Variants in GPR162 observed in about 807,000 individuals in gnomAD.
GPR162 encodes probable G protein-coupled receptor 162.
In GPR162, 26 loss-of-function variants were observed where a neutral mutation model predicts 44.9. The observed-to-expected ratio is 0.58, with a 90% CI of 0.42 to 0.80. GPR162 has a LOEUF of 0.80. Ranked by LOEUF, GPR162 falls within the 30% of genes least tolerant of loss-of-function variation. GPR162 has a pLI of 0.00. For missense variants in GPR162, 704 were observed against 802.3 expected, an observed-to-expected ratio of 0.88 and a Z score of 1.48; for synonymous variants, 363 against 335.2, an observed-to-expected ratio of 1.08 and a Z score of -0.91.
chr12:6,826,324 C>T lies in GPR162; in HGVS notation c.1186C>T (p.Pro396Ser). The part of the protein sequence containing the change: ...KLLPGRHMLF[P>S]PLERVHYLQV... ...GCTGCCTGGAAGGCACATGCTCTTC[C>T]CTCCTCTTGAGAGAGTCCACTACTT... Residue 396 changes from proline to serine, a missense_variant, in exon 4 of 5, where the codon CCT becomes TCT. Pro to Ser is a moderately conservative substitution (Grantham distance 74). Transcript: ENST00000311268. 1 of 1,613,662 alleles carries T rather than the reference C, an allele frequency of 6.2e-7. No homozygotes were observed. Among genetic ancestry groups the T allele is most frequent in the Non-Finnish European group, 8.5e-7 (1 of 1,179,946 alleles).
Position 6,822,099 on chromosome 12 carries a change from C to T in GPR162, c.-432+199C>T, listed in dbSNP as rs1943289374. On this transcript the variant is annotated intron_variant, in intron 1 of 4. Transcript: ENST00000311268. The surrounding 1 kb of genome is among the most constrained non-coding windows in gnomAD (Gnocchi z 4.2). ...GCGAGGGACCCCGTCGGCCAGGGAA[C>T]CTCCCAGATCCCCCTTCCCACCTTC... is the stretch of plus-strand genomic sequence containing the variant. 6.6e-6 allele frequency among the ~76,000 whole-genome samples: 1 copy of T among 152,212 alleles called. No individual in the cohort carries two copies. The highest frequency in any genetic ancestry group is 2.1e-4 in the South Asian group (1 of 4,836).
Position 6,826,950 on chromosome 12 carries a change from A to AT in GPR162, c.1514dup (p.Thr506HisfsTer6). 1 of 1,613,206 alleles carries AT rather than the reference A, an allele frequency of 6.2e-7. No individual in the cohort carries two copies. The highest frequency in any genetic ancestry group is 8.5e-7 in the Non-Finnish European group (1 of 1,179,928). ...GGGTCCTGGCTTCTTCCGGGAGGAG[A>AT]TCACCACCTTCATCGATGAGACACC... On this transcript the variant is annotated frameshift_variant, in exon 5 of 5. Coordinates refer to ENST00000311268, the MANE Select transcript of GPR162 (RefSeq NM_019858.2). LOFTEE classifies it high-confidence loss of function.
rs782258888 is a variant in GPR162, at chr12:6,826,904, G to A, written c.1467G>A (p.Gly489=). Residue 489 remains glycine, a synonymous_variant, in exon 5 of 5, where the codon GGG becomes GGA. Transcript: ENST00000311268. The part of the protein sequence containing the change: ...LRQFLESGVL[G]SGGGPPRGPG... ...AATTCTTGGAGAGTGGGGTTCTGGG[G>A]TCAGGTGGGGGACCCCCACGGGGTC... 16 of 1,613,388 alleles carry A rather than the reference G, an allele frequency of 9.9e-6. No individual in the cohort carries two copies. In the South Asian group the frequency reaches 1.5e-4, roughly 15 times the overall value.
Position 6,822,878 on chromosome 12 carries a change from G to A in GPR162, c.-431-590G>A, listed in dbSNP as rs1035282516. Among the ~76,000 whole-genome samples, 1 of 152,146 alleles carries A rather than the reference G, an allele frequency of 6.6e-6. No individual in the cohort carries two copies. Among genetic ancestry groups the A allele is most frequent in the Non-Finnish European group, 1.5e-5 (1 of 68,024 alleles). ...GTTCCCCCTCTTTCCATTTCTGGAT[G>A]CTTCTGATGTCAGCGGTTTCCCCGC... On this transcript the variant is annotated intron_variant, in intron 1 of 4. Transcript: ENST00000311268. The surrounding 1 kb of genome is among the most constrained non-coding windows in gnomAD (Gnocchi z 4.2).
Position 6,826,335 on chromosome 12 carries a change from G to C in GPR162, c.1197G>C (p.Glu399Asp). The C allele has an allele frequency of 2.5e-6, 4 of 1,613,306 alleles. No homozygotes were observed. Among genetic ancestry groups the C allele is most frequent in the Non-Finnish European group, 3.4e-6 (4 of 1,179,872 alleles). Residue 399 changes from glutamate (E) to aspartate (D), a missense_variant, in exon 4 of 5, where the codon GAG (glutamate) becomes GAC (aspartate). Coordinates refer to ENST00000311268, the MANE Select transcript of GPR162 (RefSeq NM_019858.2). ...GGCACATGCTCTTCCCTCCTCTTGA[G>C]AGAGTCCACTACTTACAGGTATGGA... ...PGRHMLFPPL[E>D]RVHYLQVPLS... is the part of the protein sequence containing the mutation.
chr12:6,824,219 G>A lies in GPR162; in HGVS notation c.321G>A (p.Thr107=), dbSNP rs200713669. 3.4e-5 allele frequency: 55 copies of A among 1,613,916 alleles called. No homozygotes were observed. Among genetic ancestry groups the A allele is most frequent in the South Asian group, 7.7e-5 (7 of 91,078 alleles). Residue 107 remains threonine, a synonymous_variant, in exon 2 of 5, where the codon ACG becomes ACA. Coordinates refer to ENST00000311268, the MANE Select transcript of GPR162 (RefSeq NM_019858.2). Reference sequence around the variant, plus strand: ...CCCTGGCGCTGGCCACCTGCTTCACGGTCGCCTCCCTCTCCTACCATCGCA... The same window carrying A: ...CCCTGGCGCTGGCCACCTGCTTCACAGTCGCCTCCCTCTCCTACCATCGCA... The part of the protein sequence containing the change: ...YYTLALATCF[T]VASLSYHRMW...
chr12:6,825,739 C>T (rs919254228), intron 3 of GPR162, 66 bp downstream of exon 3: 4 of 1,399,000 alleles, frequency 2.9e-6, no homozygotes, highest in Non-Finnish European at 2.9e-6. Flanking sequence ...GCCGCTCCTT[C>T]TCAGCCAGAG....
chr12:6,826,916 A>G lies in GPR162; in HGVS notation c.1479A>G (p.Gly493=). ...GTGGGGTTCTGGGGTCAGGTGGGGG[A>G]CCCCCACGGGGTCCTGGCTTCTTCC... The part of the protein sequence containing the change: ...LESGVLGSGG[G]PPRGPGFFRE... Residue 493 remains glycine, a synonymous_variant, in exon 5 of 5, where the codon GGA becomes GGG. Transcript: ENST00000311268. 1 of 1,612,236 alleles carries G rather than the reference A, an allele frequency of 6.2e-7. No individual in the cohort carries two copies. The highest frequency in any genetic ancestry group is 2.2e-5 in the East Asian group (1 of 44,826).
At position 6,826,593 on chromosome 12, in the gene GPR162, G is replaced by A. The variant is rs891834231; in HGVS notation, c.1216-60G>A. The A allele has an allele frequency of 1.2e-5, 17 of 1,442,848 alleles. No individual in the cohort carries two copies. In the East Asian group the frequency reaches 3.7e-4, roughly 31 times the overall value. The allele number at this position is 1,442,848 out of a possible 1,614,324, so 89.4% of individuals were successfully genotyped here. A position where few individuals can be genotyped will look rare whatever the true frequency, so the allele number is the denominator to read the frequency against. On this transcript the variant is annotated intron_variant, in intron 4 of 4. Transcript: ENST00000311268. ...CACCATCTTCCGGAGTCCCCACTTG[G>A]TTCCTGCCTCTGCCTCTGTCCCTGC...
chr12:6,824,645 C>T lies in GPR162; in HGVS notation c.747C>T (p.Ala249=), dbSNP rs1231167021. Residue 249 remains alanine, a synonymous_variant, in exon 2 of 5, where the codon GCC becomes GCT. Transcript: ENST00000311268. The part of the protein sequence containing the change: ...FEVPAIVVED[A]RGKRRSSLDG... ...TACCAGCCATTGTGGTGGAGGATGCCCGAGGGAAGCGGCGGTCCTCGCTGG... is the reference window on the plus strand; with the variant it reads ...TACCAGCCATTGTGGTGGAGGATGCTCGAGGGAAGCGGCGGTCCTCGCTGG... The T allele has an allele frequency of 6.2e-7, 1 of 1,613,878 alleles. No homozygotes were observed. The highest frequency in any genetic ancestry group is 2.2e-5 in the East Asian group (1 of 44,878).
In GPR162 at chr12:6,826,372, C is replaced by A. The variant is rs1555120073; in HGVS notation, c.1215+19C>A. 1 of 1,596,330 alleles carries A rather than the reference C, an allele frequency of 6.3e-7. No homozygotes were observed. Among genetic ancestry groups the A allele is most frequent in the South Asian group, 1.1e-5 (1 of 90,100 alleles). On this transcript the variant is annotated intron_variant, in intron 4 of 4. Transcript: ENST00000311268. ...CTTACAGGTATGGAACTGGGGGATA[C>A]ATCTCCTACCCTTGGTGCCGCTCAT...
rs782712077 is a variant in GPR162, at chr12:6,826,826, G to A, written c.1389G>A (p.Glu463=). Residue 463 remains glutamate (E), a synonymous_variant, in exon 5 of 5, where the codon GAG becomes GAA. Coordinates refer to ENST00000311268, the MANE Select transcript of GPR162 (RefSeq NM_019858.2). ...PEYLGQRHRL[E]DEEDEEEAEG... is the part of the protein sequence containing the mutation. The stretch of plus-strand genomic sequence containing the variant: ...ACCTGGGACAAAGACACAGGTTGGA[G>A]GACGAGGAGGACGAGGAAGAGGCTG... The A allele has an allele frequency of 6.2e-7, 1 of 1,603,922 alleles. No individual in the cohort carries two copies. The highest frequency in any genetic ancestry group is 1.7e-5 in the Admixed American group (1 of 59,412).
Position 6,822,834 on chromosome 12 carries a change from ACT to A in GPR162, c.-431-630_-431-629del, listed in dbSNP as rs1291921802. Among the ~76,000 whole-genome samples the A allele has an allele frequency of 3.0e-4, 45 of 150,758 alleles. No homozygotes were observed. The highest frequency in any genetic ancestry group is 1.0e-4 in the Non-Finnish European group (7 of 67,620). ...TGCCCCCTCTTTCTCTTCTGCTCAAACTCTCCTCCTTCTCCCTAGTTCCCCCT... is the reference window on the plus strand; with the variant it reads ...TGCCCCCTCTTTCTCTTCTGCTCAAACTCCTCCTTCTCCCTAGTTCCCCCT... On this transcript the variant is annotated intron_variant, in intron 1 of 4. Coordinates refer to ENST00000311268, the MANE Select transcript of GPR162 (RefSeq NM_019858.2). The surrounding 1 kb of genome is among the most constrained non-coding windows in gnomAD (Gnocchi z 4.2).
In GPR162 at chr12:6,824,028, A is replaced by C; in HGVS notation, c.130A>C (p.Lys44Gln). Residue 44 changes from lysine to glutamine, a missense_variant, in exon 2 of 5, where the codon AAG becomes CAG. Physicochemically the swap from Lys to Gln is moderately conservative, Grantham distance 53. Around this residue, in one of 6 missense-constraint regions of GPR162, gnomAD observed 110 missense variants for 206.2 expected, o/e 0.53. Coordinates refer to ENST00000311268, the MANE Select transcript of GPR162 (RefSeq NM_019858.2). ...CCTCAGCATCTCGGCCAAGCAGCAG[A>C]AGCACAAGCCACTGGAGCTGCTGCT... is the stretch of plus-strand genomic sequence containing the variant. ...IILSISAKQQ[K>Q]HKPLELLLCF... 1.2e-6 allele frequency: 2 copies of C among 1,611,536 alleles called. No individual in the cohort carries two copies. Among genetic ancestry groups the C allele is most frequent in the South Asian group, 2.2e-5 (2 of 91,080 alleles).
At chr12:6,825,950 C>T (rs1462657631) in intron 3 of GPR162, among the ~76,000 whole-genome samples, 1 of 152,176 alleles carries the variant, frequency 6.6e-6, no homozygotes, top group Non-Finnish European at 1.5e-5. Flanking sequence ...GAGAGAGGCC[C>T]CCCAGCTATA....
chr12:6,825,524 CCTGGATGGT>C lies in GPR162; in HGVS notation c.909_917del (p.Trp304_Val306del). ...TCCCTCAAGTCGGACTCGGCGCCCC[CCTGGATGGT>C]GCTGGCTGTGCTGTGGTGCTCCATG... On this transcript the variant is annotated inframe_deletion, in exon 3 of 5. Transcript: ENST00000311268. 6.2e-7 allele frequency: 1 copy of C among 1,612,146 alleles called. No homozygotes were observed. The highest frequency in any genetic ancestry group is 8.5e-7 in the Non-Finnish European group (1 of 1,179,462).
chr12:6,825,869 C>T (rs1313544730), intron 3 of GPR162, among the ~76,000 whole-genome samples, 196 bp downstream of exon 3: 2 of 152,192 alleles, frequency 1.3e-5, no homozygotes, highest in African/African-American at 2.4e-5. Flanking sequence ...GGGCTCCCTT[C>T]ACTGGGCCTA....
At chr12:6,825,961 G>C (rs1426677868) in intron 3 of GPR162, among the ~76,000 whole-genome samples, 1 of 152,202 alleles carries the variant, frequency 6.6e-6, no homozygotes, top group African/African-American at 2.4e-5. Flanking sequence ...CCCAGCTATA[G>C]GGACGGCTCT....
chr12:6,826,429 A>G (rs782773144), intron 4 of GPR162, 76 bp downstream of exon 4: 25 of 1,384,540 alleles, frequency 1.8e-5, no homozygotes, highest in East Asian at 4.7e-5. Context: ...AGGCACCCCA[A>G]TCCCCTCTTC....
Sources: gnomAD v4.1 joint callset for allele counts (sites outside exome capture counted in the v4.1 genomes callset) on GRCh38, gnomAD v4.1.1 for gene constraint, gnomAD v4.1.1 regional missense constraint, Gnocchi (gnomAD v3.1) non-coding constraint, MANE v1.5 for transcripts, NCBI Gene and HGNC (gene_info 2026-07-23, HGNC 2026-07-21) for gene names.